The following IPO9 variants were observed in gnomAD, a reference collection of about 807,000 sequenced individuals.
IPO9 encodes the protein importin 9.
A neutral mutation model predicts 128.6 loss-of-function variants in IPO9; 28 were observed. The observed-to-expected ratio is 0.22, with a 90% CI of 0.16 to 0.30. The LOEUF (loss-of-function observed/expected upper bound fraction) is 0.30, where lower values mean the gene tolerates loss of function less well. Ranked by LOEUF, IPO9 falls within the 10% of genes least tolerant of loss-of-function variation. The pLI, the probability that IPO9 is intolerant of heterozygous loss-of-function variation, is 1.00. For synonymous variants in IPO9, 455 were observed against 475.8 expected, an observed-to-expected ratio of 0.96 and a Z score of 0.57; for missense variants, 935 against 1,293.9, an observed-to-expected ratio of 0.72 and a Z score of 4.26.
At position 201,882,455 on chromosome 1, in the gene IPO9, AAAAC is replaced by A. The variant is rs1276245753; in HGVS notation, c.*6404_*6407del. ...TCAAAAAAAAAAAAAAACAAAAAAA[AAAAC>A]AAGTTTTGTGAATTTAAGTTTCCCT... On this transcript the variant is annotated 3_prime_UTR_variant, in exon 24 of 24. Coordinates refer to ENST00000361565, the MANE Select transcript of IPO9 (RefSeq NM_018085.5). 261 of 150,682 alleles carry A rather than the reference AAAAC, an allele frequency of 1.7e-3. No homozygotes were observed. The highest frequency in any genetic ancestry group is 6.3e-3 in the African/African-American group (254 of 40,220). 9.3% of individuals were successfully genotyped at this position (150,682 alleles called of 1,614,324 possible).
intron 23 of IPO9, 107 bp downstream of exon 23, chr1:201,875,335 A>G: frequency 1.0e-6 from 1 of 1,003,946 alleles, no homozygotes; most frequent in East Asian, 2.4e-5. Context: ...CATGCCTGTA[A>G]TCCCAACACT....
At chr1:201,835,225 C>T (rs1393187324) in intron 1 of IPO9, among the ~76,000 whole-genome samples, 1 of 152,206 alleles carries the variant, frequency 6.6e-6, no homozygotes, top group Non-Finnish European at 1.5e-5. Flanking sequence ...AAAGTACTGC[C>T]AAGTCTTGTC....
At chr1:201,858,372 C>A in intron 11 of IPO9, 75 bp from the exon 12 acceptor site, 2 of 746,160 alleles carry the variant, frequency 2.7e-6, no homozygotes, top group Non-Finnish European at 4.3e-6. Context: ...TTCTAACAGT[C>A]ATGACTGAAG....
Position 201,854,589 on chromosome 1 carries a change from T to C in IPO9, c.691-6T>C, listed in dbSNP as rs1252376764. 1 of 1,613,388 alleles carries C rather than the reference T, an allele frequency of 6.2e-7. No individual in the cohort carries two copies. Among genetic ancestry groups the C allele is most frequent in the Admixed American group, 1.7e-5 (1 of 59,940 alleles). On this transcript the variant is annotated splice_polypyrimidine_tract_variant and splice_region_variant and intron_variant, in intron 6 of 23. Transcript: ENST00000361565. ...GTCCAGTATTGACTTTGGTTTCTGT[T>C]ATCAGGGTGCAGCCAAAGTCCTGAT...
chr1:201,876,126 AGATGCACTTTCT>A lies in IPO9; in HGVS notation c.*73_*84del, dbSNP rs1680758088. ...CATTTTGCAGCCCTCACTGGCCTTGAGATGCACTTTCTTCTCAACCTAAAGTGGCATCTTGAC... is the reference window on the plus strand; with the variant it reads ...CATTTTGCAGCCCTCACTGGCCTTGATCTCAACCTAAAGTGGCATCTTGAC... On this transcript the variant is annotated 3_prime_UTR_variant, in exon 24 of 24. Coordinates refer to ENST00000361565, the MANE Select transcript of IPO9 (RefSeq NM_018085.5). 1.1e-5 allele frequency: 11 copies of A among 1,001,470 alleles called. No individual in the cohort carries two copies. Among genetic ancestry groups the A allele is most frequent in the Middle Eastern group, 2.0e-4 (1 of 4,890 alleles). 62.0% of individuals were successfully genotyped at this position (1,001,470 alleles called of 1,614,324 possible). A position where few individuals can be genotyped will look rare whatever the true frequency, so the allele number is the denominator to read the frequency against.
intron 1 of IPO9, among the ~76,000 whole-genome samples, chr1:201,845,030 G>C (rs1351348635): frequency 6.6e-6 from 1 of 151,202 alleles, no homozygotes; most frequent in Non-Finnish European, 1.5e-5. Flanking sequence ...TTGGGAGGGG[G>C]GGGCGTACAG....
At chr1:201,841,828 A>C (rs1222614982) in intron 1 of IPO9, among the ~76,000 whole-genome samples, 2 of 152,172 alleles carry the variant, frequency 1.3e-5, no homozygotes, top group Non-Finnish European at 2.9e-5. Flanking sequence ...TTGGATTAAA[A>C]CTCACAGAAT....
At chr1:201,862,067 G>A (rs557178373) in intron 13 of IPO9, among the ~76,000 whole-genome samples, 90 of 152,300 alleles carry the variant, frequency 5.9e-4, no homozygotes, top group African/African-American at 1.9e-3. Context: ...CTTGAATAAC[G>A]TGATGACTAA....
At position 201,858,492 on chromosome 1, in the gene IPO9, G is replaced by A; in HGVS notation, c.1267G>A (p.Ala423Thr). 6.3e-7 allele frequency: 1 copy of A among 1,597,794 alleles called. No homozygotes were observed. Among genetic ancestry groups the A allele is most frequent in the Non-Finnish European group, 8.5e-7 (1 of 1,172,782 alleles). Residue 423 changes from alanine to threonine, a missense_variant, in exon 12 of 24, where the codon GCT becomes ACT. By Grantham distance (58) the Ala-to-Thr change is moderately conservative. This residue lies in a region of IPO9 where 741 missense variants were observed against 1,019.1 expected (regional missense o/e 0.73). Coordinates refer to ENST00000361565, the MANE Select transcript of IPO9 (RefSeq NM_018085.5). ...GAATGAAAGTGCAGCAGCCCTGGCT[G>A]CTGCAGCCACTCGACATTTACAAGA... is the stretch of plus-strand genomic sequence containing the variant. Reference protein sequence around the residue: ...FQNESAAALAAAATRHLQEAE... With the variant: ...FQNESAAALATAATRHLQEAE...
At chr1:201,843,785 G>A (rs1189073024) in intron 1 of IPO9, among the ~76,000 whole-genome samples, 5 of 147,422 alleles carry the variant, frequency 3.4e-5, no homozygotes, top group Non-Finnish European at 7.4e-5. Flanking sequence ...CTGAGATAGC[G>A]CCACTGCACT....
At position 201,872,824 on chromosome 1, in the gene IPO9, C is replaced by T. The variant is rs754622542; in HGVS notation, c.2577-4C>T. 3 of 1,605,426 alleles carry T rather than the reference C, an allele frequency of 1.9e-6. No homozygotes were observed. Among genetic ancestry groups the T allele is most frequent in the Non-Finnish European group, 2.6e-6 (3 of 1,176,438 alleles). On this transcript the variant is annotated splice_polypyrimidine_tract_variant and splice_region_variant and intron_variant, in intron 19 of 23. Coordinates refer to ENST00000361565, the MANE Select transcript of IPO9 (RefSeq NM_018085.5). ...TTGACCTTTTTTTGGATCTTCCTTGCCAGCTCTGTGGCACTCTGTAAGCTG... is the reference window on the plus strand; with the variant it reads ...TTGACCTTTTTTTGGATCTTCCTTGTCAGCTCTGTGGCACTCTGTAAGCTG...
At chr1:201,831,475 A>G (rs569838003) in intron 1 of IPO9, among the ~76,000 whole-genome samples, 1 of 152,194 alleles carries the variant, frequency 6.6e-6, no homozygotes, top group African/African-American at 2.4e-5. Flanking sequence ...CTGGCTCCTT[A>G]ATGTCTATCA....
intron 21 of IPO9, 84 bp from the exon 22 acceptor site, chr1:201,874,738 GCCTTTGGGGC>G: frequency 1.2e-6 from 1 of 838,994 alleles, no homozygotes; most frequent in African/African-American, 1.7e-5. Flanking sequence ...CATTGCAGAA[GCCTTTGGGGC>G]CCTTCTATTC....
At position 201,882,447 on chromosome 1, in the gene IPO9, CAA is replaced by C. The variant is rs1161071804; in HGVS notation, c.*6403_*6404del. ...ACTCTGCCTCAAAAAAAAAAAAAAACAAAAAAAAAAACAAGTTTTGTGAATTT... is the reference window on the plus strand; with the variant it reads ...ACTCTGCCTCAAAAAAAAAAAAAAACAAAAAAAAACAAGTTTTGTGAATTT... On this transcript the variant is annotated 3_prime_UTR_variant, in exon 24 of 24. Transcript: ENST00000361565. 4 of 47,700 alleles carry C rather than the reference CAA, an allele frequency of 8.4e-5. No homozygotes were observed. Among genetic ancestry groups the C allele is most frequent in the Admixed American group, 7.0e-4 (3 of 4,260 alleles). The allele number at this position is 47,700 out of a possible 1,614,324, so 3.0% of individuals were successfully genotyped here. A position where few individuals can be genotyped will look rare whatever the true frequency, so the allele number is the denominator to read the frequency against.
intron 15 of IPO9, among the ~76,000 whole-genome samples, chr1:201,867,904 A>G (rs1340341229): frequency 6.6e-6 from 1 of 152,188 alleles, no homozygotes; most frequent in East Asian, 1.9e-4. Context: ...GTTCTTGGAT[A>G]TATCTCATTC....
rs188001858 is a variant in IPO9, at chr1:201,859,455, G to A, written c.1468+461G>A. On this transcript the variant is annotated intron_variant, in intron 13 of 23. Transcript: ENST00000361565. ...GGCGTTCCCATTCATGGTTGTTTTT[G>A]GCATTTGAATGGAATCCAAATCTGG... 1.9e-3 allele frequency among the ~76,000 whole-genome samples: 284 copies of A among 151,858 alleles called. 2 individuals are homozygous for A. Among genetic ancestry groups the A allele is most frequent in the African/African-American group, 6.6e-3 (273 of 41,440 alleles).
chr1:201,879,435 C>T lies in IPO9; in HGVS notation c.*3381C>T, dbSNP rs2102895085. The T allele has an allele frequency of 6.6e-6, 1 of 152,256 alleles. No homozygotes were observed. Among genetic ancestry groups the T allele is most frequent in the African/African-American group, 2.4e-5 (1 of 41,552 alleles). The allele number at this position is 152,256 out of a possible 1,614,324, so 9.4% of individuals were successfully genotyped here. A position where few individuals can be genotyped will look rare whatever the true frequency, so the allele number is the denominator to read the frequency against. ...TTCCCCCAGGGCTGTGTCCTTGGCC[C>T]CTCCTTTGATATTAGTGACAGATGA... On this transcript the variant is annotated 3_prime_UTR_variant, in exon 24 of 24. Transcript: ENST00000361565.
chr1:201,833,350 T>C (rs1194905159), intron 1 of IPO9, among the ~76,000 whole-genome samples: 2 of 152,042 alleles, frequency 1.3e-5, no homozygotes, highest in East Asian at 1.9e-4. Flanking sequence ...GTGATTCTCA[T>C]GCCTAGGCCT....
At chr1:201,842,451 G>A (rs1020553676) in intron 1 of IPO9, among the ~76,000 whole-genome samples, 1 of 151,992 alleles carries the variant, frequency 6.6e-6, no homozygotes, top group African/African-American at 2.4e-5. Flanking sequence ...GGTGGGATGG[G>A]GGGATGAAAG....
Sources: allele counts gnomAD v4.1 joint callset (sites outside exome capture counted in the v4.1 genomes callset), GRCh38; gene constraint gnomAD v4.1.1; regional missense constraint gnomAD v4.1.1; transcripts MANE v1.5; gene names NCBI Gene and HGNC (gene_info 2026-07-23, HGNC 2026-07-21).